The following EFCAB3 variants were observed in gnomAD, a reference collection of about 807,000 sequenced individuals.
EFCAB3 encodes EF-hand calcium binding domain 3.
Under a neutral mutation model 42.2 loss-of-function variants are expected in EFCAB3, and 36 were observed. The ratio of observed to expected loss-of-function variants is 0.85; its 90% CI spans 0.65 to 1.13. EFCAB3 has a LOEUF of 1.13. EFCAB3 is among the 50% of genes most tolerant of loss of function. EFCAB3 has a pLI of 0.00. For missense variants in EFCAB3, 418 were observed against 505.1 expected (o/e 0.83, Z 1.65); for synonymous variants, 170 against 172.8 (o/e 0.98, Z 0.13).
At chr17:62,401,209 T>C (rs2070400425) in intron 6 of EFCAB3, among the ~76,000 whole-genome samples, 1 of 152,222 alleles carries the variant, frequency 6.6e-6, no homozygotes, top group Non-Finnish European at 1.5e-5. Context: ...GATGGGTAGA[T>C]TGCAAAAATT....
At position 62,390,261 on chromosome 17, in the gene EFCAB3, C is replaced by T. The variant is rs575993948; in HGVS notation, c.152-1561C>T. Among the ~76,000 whole-genome samples the T allele has an allele frequency of 2.6e-5, 4 of 152,232 alleles. No homozygotes were observed. In the East Asian group the frequency reaches 7.7e-4, roughly 29 times the overall value. On this transcript the variant is annotated intron_variant, in intron 3 of 9. Coordinates refer to ENST00000305286, the MANE Select transcript of EFCAB3 (RefSeq NM_173503.4). ...GATATTTCCCTTACCTAAGAGGAGA[C>T]CCTTTCTTCAGTAAATTCTTTGAAT...
intron 4 of EFCAB3, among the ~76,000 whole-genome samples, chr17:62,392,405 CA>C (rs2070311243): frequency 6.6e-6 from 1 of 151,868 alleles, no homozygotes; most frequent in African/African-American, 2.4e-5. Flanking sequence ...ATTTGAAAAA[CA>C]CTGTGTGGAA....
chr17:62,404,600 C>T (rs968531237), intron 6 of EFCAB3, among the ~76,000 whole-genome samples: 3 of 152,096 alleles, frequency 2.0e-5, no homozygotes, highest in African/African-American at 7.2e-5. Flanking sequence ...AGTTCAAGAC[C>T]AGCCTGACCG....
At chr17:62,373,535 C>G (rs557841317) in intron 1 of EFCAB3, among the ~76,000 whole-genome samples, 1 of 151,900 alleles carries the variant, frequency 6.6e-6, no homozygotes, top group Non-Finnish European at 1.5e-5. Flanking sequence ...GTGAGAGTAT[C>G]GCTTGAGCCA....
At chr17:62,383,087 T>A (rs1305496359) in intron 2 of EFCAB3, 34 bp downstream of exon 2, 2 of 1,555,408 alleles carry the variant, frequency 1.3e-6, no homozygotes, top group South Asian at 2.3e-5. Context: ...GATAAATGTA[T>A]TATGATAAAG....
chr17:62,390,392 G>T (rs989982815), intron 3 of EFCAB3, among the ~76,000 whole-genome samples: 1 of 152,174 alleles, frequency 6.6e-6, no homozygotes, highest in Non-Finnish European at 1.5e-5. Context: ...GCAGGTACAG[G>T]TGCTGGTCAG....
intron 1 of EFCAB3, among the ~76,000 whole-genome samples, chr17:62,372,997 A>G (rs1464380741): frequency 6.6e-6 from 1 of 152,202 alleles, no homozygotes; most frequent in Non-Finnish European, 1.5e-5. Flanking sequence ...AAGCAGAGAT[A>G]GGGCCAGGCA....
intron 1 of EFCAB3, among the ~76,000 whole-genome samples, chr17:62,372,516 A>G (rs143247560): frequency 0.013 from 1,929 of 152,018 alleles, 21 homozygotes; most frequent in Non-Finnish European, 0.021. Context: ...TCCTGGGTTC[A>G]AGTGATCTGC....
chr17:62,412,177 A>C (rs980777372), intron 8 of EFCAB3, among the ~76,000 whole-genome samples: 4 of 151,534 alleles, frequency 2.6e-5, no homozygotes, highest in African/African-American at 9.7e-5. Flanking sequence ...GGAGTTCGAG[A>C]CCAGCCTGGC....
At chr17:62,396,346 A>G (rs868349528) in intron 6 of EFCAB3, among the ~76,000 whole-genome samples, 2 of 152,106 alleles carry the variant, frequency 1.3e-5, no homozygotes, top group African/African-American at 4.8e-5. Flanking sequence ...CAAGGTCAGG[A>G]ATTCGAGACC....
chr17:62,410,341 G>A (rs1345545201), intron 8 of EFCAB3, among the ~76,000 whole-genome samples: 1 of 152,110 alleles, frequency 6.6e-6, no homozygotes, highest in Non-Finnish European at 1.5e-5. Context: ...GAGCAACATG[G>A]TGAAACCCCG....
rs1206175657 is a variant in EFCAB3 at position 62,393,657 on chromosome 17, G to A, written c.367+13G>A. 3.7e-6 allele frequency: 6 copies of A among 1,611,466 alleles called. No homozygotes were observed. The highest frequency in any genetic ancestry group is 1.3e-5 in the African/African-American group (1 of 74,868). Reference sequence around the variant, plus strand: ...CTCAAGGCAGTGGGTGAGTAGAGATGTTATGAACAGAAGGCAGTTGGGCAG... The same window carrying A: ...CTCAAGGCAGTGGGTGAGTAGAGATATTATGAACAGAAGGCAGTTGGGCAG... On this transcript the variant is annotated intron_variant, in intron 5 of 9. Transcript: ENST00000305286.
At chr17:62,379,057 A>C (rs184596694), upstream of EFCAB3, among the ~76,000 whole-genome samples, 65 of 152,278 alleles carry the variant, frequency 4.3e-4, no homozygotes, top group African/African-American at 1.4e-3. Flanking sequence ...CAACCCACAG[A>C]ATAGGGAAAA....
intron 2 of EFCAB3, among the ~76,000 whole-genome samples, chr17:62,384,631 A>C (rs76557765): frequency 0.033 from 4,952 of 152,204 alleles, 276 homozygotes; most frequent in African/African-American, 0.11. Context: ...AAAATAAAAG[A>C]TCTTTACACT....
chr17:62,383,984 G>A (rs1235592570), intron 2 of EFCAB3, among the ~76,000 whole-genome samples: 1 of 152,126 alleles, frequency 6.6e-6, no homozygotes, highest in Non-Finnish European at 1.5e-5. Context: ...CCACTAATGA[G>A]CAAAAATGAG....
At chr17:62,398,930 T>C (rs1194757666) in intron 6 of EFCAB3, among the ~76,000 whole-genome samples, 2 of 152,152 alleles carry the variant, frequency 1.3e-5, no homozygotes, top group Non-Finnish European at 2.9e-5. Flanking sequence ...ATTGAATATG[T>C]AATAAATGCA....
chr17:62,397,471 A>C (rs190168514), intron 6 of EFCAB3: 233 of 555,322 alleles, frequency 4.2e-4, no homozygotes, highest in African/African-American at 4.1e-3. Context: ...GGCATGAAAA[A>C]CAGTACAAGA....
At chr17:62,383,440 C>A (rs2070221504) in intron 2 of EFCAB3, among the ~76,000 whole-genome samples, 1 of 152,034 alleles carries the variant, frequency 6.6e-6, no homozygotes, top group Non-Finnish European at 1.5e-5. Context: ...TGCCACTGCA[C>A]TCCAGCCTGG....
chr17:62,385,928 C>T (rs981406993), intron 2 of EFCAB3, among the ~76,000 whole-genome samples: 4 of 150,662 alleles, frequency 2.7e-5, no homozygotes, highest in Non-Finnish European at 4.4e-5. Context: ...GGGGTTTCAC[C>T]ATGTTAGCCA....
Sources: gnomAD v4.1 joint callset for allele counts (sites outside exome capture counted in the v4.1 genomes callset) on GRCh38, gnomAD v4.1.1 for gene constraint, MANE v1.5 for transcripts, NCBI Gene and HGNC (gene_info 2026-07-23, HGNC 2026-07-21) for gene names.